Variants in BANK1 observed in about 807,000 individuals in gnomAD.
BANK1 encodes B-cell scaffold protein with ankyrin repeats.
Under a neutral mutation model 94.5 loss-of-function variants are expected in BANK1, and 95 were observed. The ratio of observed to expected loss-of-function variants is 1.00; its 90% CI spans 0.85 to 1.19. The LOEUF (loss-of-function observed/expected upper bound fraction) is 1.19. Ranked by LOEUF, BANK1 falls within the 50% of genes most tolerant of loss-of-function variation. BANK1 has a pLI of 0.00. For synonymous variants in BANK1, 334 were observed against 308.4 expected (o/e 1.08, Z -0.87); for missense variants, 987 against 932.2 (o/e 1.06, Z -0.77).
At chr4:101,811,002 G>A (rs75427996) in intron 1 of BANK1, among the ~76,000 whole-genome samples, 2,755 of 152,186 alleles carry the variant, frequency 0.018, 78 homozygotes, top group African/African-American at 0.063. Flanking sequence ...TACGAATGAG[G>A]GATCAGTATC....
intron 11 of BANK1, among the ~76,000 whole-genome samples, chr4:102,052,735 T>TAA (rs1728093819): frequency 6.6e-6 from 1 of 152,220 alleles, no homozygotes; most frequent in African/African-American, 2.4e-5. Flanking sequence ...AATTTGAACT[T>TAA]AAGTGTCCCA....
intron 7 of BANK1, among the ~76,000 whole-genome samples, chr4:101,947,309 A>ATATATATATATATATATATATGTATATG (rs1176507515): frequency 1.5e-5 from 1 of 67,864 alleles, no homozygotes; most frequent in Admixed American, 1.6e-4. Context: ...ATATATATAT[A>ATATATATATATATATATATATGTATATG]TATGTATATG....
intron 5 of BANK1, among the ~76,000 whole-genome samples, chr4:101,878,647 A>G (rs542194759): frequency 1.0e-3 from 155 of 152,306 alleles, no homozygotes; most frequent in Non-Finnish European, 1.8e-3. Context: ...GAGCTGTAGA[A>G]TACACATTCT....
In BANK1 at chr4:101,883,358, G is replaced by T. The variant is rs116266674; in HGVS notation, c.904-11947G>T. On this transcript the variant is annotated intron_variant, in intron 5 of 16. Transcript: ENST00000322953. ...GTGTATTTCTGAGTACAATTACTTA[G>T]CCATTAATACAACCTTAATATTGAT... Among the ~76,000 whole-genome samples the T allele has an allele frequency of 8.2e-3, 1,249 of 152,170 alleles. 15 individuals are homozygous for T. Among genetic ancestry groups the T allele is most frequent in the African/African-American group, 0.029 (1,187 of 41,504 alleles).
chr4:101,906,158 A>G (rs1021800538), intron 6 of BANK1, among the ~76,000 whole-genome samples: 1 of 152,182 alleles, frequency 6.6e-6, no homozygotes, highest in African/African-American at 2.4e-5. Flanking sequence ...ACAGAGCAGG[A>G]GTAAGACAAG....
chr4:102,063,247 C>T, intron 13 of BANK1, 109 bp downstream of exon 13: 1 of 955,990 alleles, frequency 1.0e-6, no homozygotes, highest in Non-Finnish European at 1.6e-6. Context: ...CAACAATTCC[C>T]AGCTGTCTAA....
At chr4:101,872,875 C>T (rs2148881989) in intron 5 of BANK1, among the ~76,000 whole-genome samples, 1 of 152,104 alleles carries the variant, frequency 6.6e-6, no homozygotes, top group African/African-American at 2.4e-5. Context: ...GTAATCCCAT[C>T]TACTCAGGTG....
At chr4:101,876,358 A>C (rs1728490625) in intron 5 of BANK1, among the ~76,000 whole-genome samples, 1 of 152,356 alleles carries the variant, frequency 6.6e-6, no homozygotes, top group Admixed American at 6.5e-5. Flanking sequence ...CACAGAACAG[A>C]GGGAGGCTTT....
intron 7 of BANK1, among the ~76,000 whole-genome samples, chr4:101,944,807 AC>A (rs1723876707): frequency 6.6e-6 from 1 of 151,952 alleles, no homozygotes; most frequent in Non-Finnish European, 1.5e-5. Context: ...CAGTTGTGTG[AC>A]CCTATGGTAA....
intron 11 of BANK1, among the ~76,000 whole-genome samples, chr4:102,055,582 G>GA (rs1728200544): frequency 6.6e-6 from 1 of 151,966 alleles, no homozygotes; most frequent in Non-Finnish European, 1.5e-5. Flanking sequence ...GTACATGCCA[G>GA]AAAACCTGAA....
At chr4:101,921,439 C>T (rs1014971190) in intron 7 of BANK1, among the ~76,000 whole-genome samples, 1 of 151,824 alleles carries the variant, frequency 6.6e-6, no homozygotes, top group Admixed American at 6.6e-5. Context: ...TTAAATAAAA[C>T]GTGCATGAAA....
intron 7 of BANK1, among the ~76,000 whole-genome samples, chr4:101,988,901 T>G (rs990197650): frequency 2.0e-5 from 3 of 152,142 alleles, no homozygotes; most frequent in African/African-American, 7.2e-5. Context: ...TTACAGAAAG[T>G]TACAAAAATA....
At chr4:101,816,743 A>G (rs1725932667) in intron 1 of BANK1, among the ~76,000 whole-genome samples, 1 of 152,050 alleles carries the variant, frequency 6.6e-6, no homozygotes, top group Admixed American at 6.6e-5. Context: ...CTTTTTTCTA[A>G]TGGAATATTA....
At chr4:101,912,773 C>T (rs1195010262) in intron 6 of BANK1, among the ~76,000 whole-genome samples, 4 of 151,742 alleles carry the variant, frequency 2.6e-5, no homozygotes, top group Admixed American at 1.3e-4. Context: ...CTTCCAAAGG[C>T]GTCTTAAGTT....
intron 4 of BANK1, 94 bp from the exon 5 acceptor site, chr4:101,870,411 A>C: frequency 8.3e-7 from 1 of 1,206,118 alleles, no homozygotes; most frequent in Non-Finnish European, 1.1e-6. Context: ...AGTGTTATGA[A>C]TTTTTAAAGG....
At chr4:102,049,816 A>G (rs1284973810) in intron 11 of BANK1, among the ~76,000 whole-genome samples, 1 of 152,232 alleles carries the variant, frequency 6.6e-6, no homozygotes, top group Non-Finnish European at 1.5e-5. Context: ...AGTGGGCGCA[A>G]GCATGTGCAC....
chr4:102,073,712 A>AATT lies in BANK1; in HGVS notation c.2328_2330dup (p.Glu776_Phe777insLeu). On this transcript the variant is annotated inframe_insertion, in exon 16 of 17. Coordinates refer to ENST00000322953, the MANE Select transcript of BANK1 (RefSeq NM_017935.5). ...CCTGCTCGACCCCAAGTTGAAAAGG[A>AATT]ATTTGGTTTCTGTTGCAAGAAAGAT... is the stretch of plus-strand genomic sequence containing the variant. 1 of 1,611,550 alleles carries AATT rather than the reference A, an allele frequency of 6.2e-7. No individual in the cohort carries two copies. The highest frequency in any genetic ancestry group is 8.5e-7 in the Non-Finnish European group (1 of 1,178,708).
chr4:101,941,424 G>A (rs1723738176), intron 7 of BANK1, among the ~76,000 whole-genome samples: 1 of 151,802 alleles, frequency 6.6e-6, no homozygotes, highest in African/African-American at 2.4e-5. Context: ...ACAAGACAAA[G>A]AGAGATATGT....
rs1303341189 is a variant in BANK1 at position 101,918,863 on chromosome 4, T to C, written c.1206+674T>C. Among the ~76,000 whole-genome samples the C allele has an allele frequency of 5.3e-5, 8 of 151,928 alleles. No homozygotes were observed. The East Asian group carries it at 1.2e-3, about 22-fold the overall frequency. ...TCAGATTAAGCCAATCTAATTAATA[T>C]TGGACTTCAGAAACAATCATTGGTA... On this transcript the variant is annotated intron_variant, in intron 7 of 16. Coordinates refer to ENST00000322953, the MANE Select transcript of BANK1 (RefSeq NM_017935.5).
Sources: gnomAD v4.1 joint callset for allele counts (sites outside exome capture counted in the v4.1 genomes callset) on GRCh38, gnomAD v4.1.1 for gene constraint, MANE v1.5 for transcripts, NCBI Gene and HGNC (gene_info 2026-07-23, HGNC 2026-07-21) for gene names.